Variants in SOX5 observed in about 807,000 individuals in gnomAD.
SOX5 encodes the protein SRY-box transcription factor 5, also known as transcription factor SOX-5.
In SOX5, 9 loss-of-function variants were observed where a neutral mutation model predicts 92.0. That is an observed-to-expected ratio of 0.10 (90% CI 0.06 to 0.17). SOX5 has a LOEUF of 0.17. SOX5 is among the 10% of genes least tolerant of loss of function. The pLI is 1.00. For synonymous variants in SOX5, 344 were observed against 336.3 expected, an observed-to-expected ratio of 1.02 and a Z score of -0.25; for missense variants, 642 against 944.5, an observed-to-expected ratio of 0.68 and a Z score of 4.20.
intron 1 of SOX5, among the ~76,000 whole-genome samples, chr12:24,371,247 AGC>A (rs1381611820): frequency 2.6e-5 from 4 of 152,240 alleles, no homozygotes; most frequent in African/African-American, 9.6e-5. Flanking sequence ...GACAAGCCCT[AGC>A]TAACAGCCAG....
intron 4 of SOX5, among the ~76,000 whole-genome samples, chr12:24,158,292 G>A (rs11047287): frequency 0.15 from 22,130 of 151,764 alleles, 1,867 homozygotes; most frequent in African/African-American, 0.22. Flanking sequence ...GATCCTCCTG[G>A]CATTGACAAA....
At chr12:24,327,303 A>G (rs564718754) in intron 2 of SOX5, among the ~76,000 whole-genome samples, 1 of 151,824 alleles carries the variant, frequency 6.6e-6, no homozygotes, top group African/African-American at 2.4e-5. Flanking sequence ...CCTTATTAAC[A>G]AAGATCAAAG....
intron 4 of SOX5, among the ~76,000 whole-genome samples, chr12:24,038,581 T>C (rs1485028632): frequency 6.7e-6 from 1 of 150,106 alleles, no homozygotes; most frequent in East Asian, 1.9e-4. Context: ...TAGCTTAGCA[T>C]TTTTTTTTTC....
intron 3 of SOX5, among the ~76,000 whole-genome samples, chr12:24,254,466 G>A (rs1940771696): frequency 1.3e-5 from 2 of 150,736 alleles, no homozygotes; most frequent in South Asian, 4.2e-4. Flanking sequence ...CCTTACCCAT[G>A]CTCCAAACAC....
At chr12:24,287,592 C>CTTTTATTTTTT (rs1946044932) in intron 2 of SOX5, among the ~76,000 whole-genome samples, 1 of 79,672 alleles carries the variant, frequency 1.3e-5, no homozygotes, top group South Asian at 6.7e-4. Flanking sequence ...TTCTCAAATC[C>CTTTTATTTTTT]TTTTTTTTTT....
intron 2 of SOX5, among the ~76,000 whole-genome samples, chr12:24,315,644 A>T (rs957398214): frequency 2.0e-5 from 3 of 152,150 alleles, no homozygotes; most frequent in Admixed American, 2.0e-4. Context: ...CAGAATCAAG[A>T]GTAAGAAAAA....
intron 1 of SOX5, among the ~76,000 whole-genome samples, chr12:23,934,351 A>T (rs1042654761): frequency 4.9e-4 from 74 of 150,920 alleles, no homozygotes; most frequent in African/African-American, 1.7e-3. Context: ...ACATACATAC[A>T]TATAAAATAT....
chr12:24,376,902 G>C (rs1458473578), intron 1 of SOX5, among the ~76,000 whole-genome samples: 6 of 149,688 alleles, frequency 4.0e-5, no homozygotes, highest in Non-Finnish European at 8.9e-5. Context: ...GTAGAGATGG[G>C]GTTTTACCAT....
At chr12:24,070,608 G>T (rs988711705) in intron 4 of SOX5, among the ~76,000 whole-genome samples, 2 of 151,694 alleles carry the variant, frequency 1.3e-5, no homozygotes, top group African/African-American at 4.8e-5. Context: ...CTACTGTAAA[G>T]GACTGATATT....
intron 4 of SOX5, among the ~76,000 whole-genome samples, chr12:24,071,053 A>C (rs1184784509): frequency 6.6e-6 from 1 of 152,228 alleles, no homozygotes; most frequent in Non-Finnish European, 1.5e-5. Context: ...TCCTGAATAC[A>C]ATAGAAGACT....
At chr12:23,568,199 G>T (rs1002836841) in intron 10 of SOX5, among the ~76,000 whole-genome samples, 1 of 152,130 alleles carries the variant, frequency 6.6e-6, no homozygotes. Context: ...AAGTGAATAT[G>T]CAGGCAGAGA....
intron 1 of SOX5, among the ~76,000 whole-genome samples, chr12:23,939,471 AT>A (rs1450419256): frequency 6.6e-6 from 1 of 151,020 alleles, no homozygotes; most frequent in Non-Finnish European, 1.5e-5. Context: ...AAATAAAAAA[AT>A]CTACATCATA....
At position 24,136,527 on chromosome 12, in the gene SOX5, A is replaced by T. The variant is rs191127228; in HGVS notation, c.-2+76816T>A. On this transcript the variant is annotated intron_variant, in intron 4 of 4. Coordinates refer to the SOX5 transcript ENST00000446891. ...AGTTTTCCTTTGTGCATAGGGGATT[A>T]TAACAGCACCTGCCTCATAGAGATG... Among the ~76,000 whole-genome samples the T allele has an allele frequency of 3.8e-3, 576 of 152,364 alleles. 3 individuals are homozygous for T. Among genetic ancestry groups the T allele is most frequent in the African/African-American group, 0.013 (538 of 41,580 alleles).
At chr12:24,286,119 A>G (rs188098795) in intron 2 of SOX5, among the ~76,000 whole-genome samples, 4 of 152,236 alleles carry the variant, frequency 2.6e-5, no homozygotes, top group African/African-American at 7.2e-5. Flanking sequence ...TGCTTTAAGG[A>G]TAATTCACAA....
chr12:23,722,137 G>C (rs746828612), intron 6 of SOX5, among the ~76,000 whole-genome samples: 1 of 152,112 alleles, frequency 6.6e-6, no homozygotes, highest in Non-Finnish European at 1.5e-5. Flanking sequence ...TAATCACTGA[G>C]CATAAAAAAT....
At chr12:24,362,865 T>C (rs977661525) in intron 2 of SOX5, among the ~76,000 whole-genome samples, 1 of 66,574 alleles carries the variant, frequency 1.5e-5, no homozygotes, top group Non-Finnish European at 3.1e-5. Flanking sequence ...GAAACCACAG[T>C]GAAAAAAAAA....
intron 1 of SOX5, among the ~76,000 whole-genome samples, chr12:23,945,077 T>C (rs1041965158): frequency 3.9e-5 from 6 of 152,148 alleles, no homozygotes; most frequent in Non-Finnish European, 7.4e-5. Context: ...ACTCATTAGG[T>C]TGCTGAACAA....
chr12:23,972,711 A>T (rs1489137683), intron 4 of SOX5, among the ~76,000 whole-genome samples: 1 of 152,048 alleles, frequency 6.6e-6, no homozygotes, highest in Admixed American at 6.6e-5. Context: ...GACAATGTAC[A>T]TATTTATGGG....
intron 3 of SOX5, among the ~76,000 whole-genome samples, chr12:24,218,717 T>A (rs924050408): frequency 1.1e-4 from 16 of 152,106 alleles, no homozygotes; most frequent in Admixed American, 2.6e-4. Context: ...TATCTTTTTT[T>A]AAAAAAGTAT....
Sources: gnomAD v4.1 joint callset for allele counts (sites outside exome capture counted in the v4.1 genomes callset) on GRCh38, gnomAD v4.1.1 for gene constraint, MANE v1.5 for transcripts, NCBI Gene and HGNC (gene_info 2026-07-23, HGNC 2026-07-21) for gene names.